The following DENND1A variants were observed in gnomAD, a reference collection of about 807,000 sequenced individuals.
DENND1A encodes DENN domain containing 1A.
Under a neutral mutation model 113.7 loss-of-function variants are expected in DENND1A, and 51 were observed. The observed-to-expected ratio is 0.45, with a 90% CI of 0.36 to 0.57. The LOEUF (loss-of-function observed/expected upper bound fraction) is 0.57, where lower values mean the gene tolerates loss of function less well. Among genes scored for constraint, DENND1A ranks in the 20% least tolerant of loss-of-function variants. The pLI is 0.00. For missense variants in DENND1A, 1,258 were observed against 1,395.9 expected (o/e 0.90, Z 1.57); for synonymous variants, 565 against 570.8 (o/e 0.99, Z 0.14).
At chr9:123,453,502 T>G (rs2047889155) in intron 16 of DENND1A, among the ~76,000 whole-genome samples, 1 of 152,190 alleles carries the variant, frequency 6.6e-6, no homozygotes, top group African/African-American at 2.4e-5. Context: ...AAGCATTAAC[T>G]GAGGCTGGGA....
intron 23 of DENND1A, 82 bp from the exon 24 acceptor site, chr9:123,382,707 G>C (rs1459829498): frequency 9.9e-6 from 14 of 1,420,708 alleles, no homozygotes; most frequent in Non-Finnish European, 1.4e-5. Flanking sequence ...ACTTCTGTGT[G>C]CTGAATGTGT....
intron 2 of DENND1A, among the ~76,000 whole-genome samples, chr9:123,817,125 A>G (rs746647246): frequency 1.1e-4 from 17 of 152,190 alleles, no homozygotes; most frequent in Non-Finnish European, 2.1e-4. Flanking sequence ...ATGTTACCCA[A>G]TGGTAACATT....
intron 13 of DENND1A, among the ~76,000 whole-genome samples, chr9:123,508,045 G>A (rs1171664450): frequency 6.6e-6 from 1 of 152,030 alleles, no homozygotes; most frequent in African/African-American, 2.4e-5. Context: ...GCACATCGGC[G>A]ATGGGTTAAT....
intron 11 of DENND1A, among the ~76,000 whole-genome samples, chr9:123,603,488 T>G (rs2060019303): frequency 6.6e-6 from 1 of 152,144 alleles, no homozygotes; most frequent in Non-Finnish European, 1.5e-5. Context: ...CTTGTATGTT[T>G]GAAAAACCAG....
chr9:123,740,247 C>T (rs748025577), intron 5 of DENND1A, among the ~76,000 whole-genome samples: 3 of 152,188 alleles, frequency 2.0e-5, no homozygotes. Context: ...ATTCTCTATG[C>T]TGCTTAATGT....
chr9:123,382,147 G>A lies in DENND1A; in HGVS notation c.2498C>T (p.Pro833Leu). 15 of 1,601,882 alleles carry A rather than the reference G, an allele frequency of 9.4e-6. No homozygotes were observed. The highest frequency in any genetic ancestry group is 1.2e-5 in the Non-Finnish European group (14 of 1,175,096). ...TELLQPLSPG[P>L]GAAGTSSDAL... ...GTCACTGCTCGTGCCTGCAGCCCCG[G>A]GGCCAGGGCTGAGCGGCTGGAGCAG... The change falls in exon 24 of 24, where the codon CCC becomes CTC. Residue 833 changes from proline to leucine, a missense_variant. Transcript: ENST00000394215.
chr9:123,459,143 T>C (rs1296039537), intron 13 of DENND1A, among the ~76,000 whole-genome samples: 4 of 152,180 alleles, frequency 2.6e-5, no homozygotes, highest in Non-Finnish European at 5.9e-5. Context: ...CACTCCAGCC[T>C]GGGCAACAGA....
At chr9:123,696,911 T>G (rs1201155722) in intron 5 of DENND1A, among the ~76,000 whole-genome samples, 2 of 152,328 alleles carry the variant, frequency 1.3e-5, no homozygotes, top group Admixed American at 6.5e-5. Flanking sequence ...TAAAAAGGTC[T>G]CTATTCACCA....
intron 3 of DENND1A, among the ~76,000 whole-genome samples, chr9:123,770,435 C>T (rs1310269641): frequency 1.3e-5 from 2 of 152,186 alleles, no homozygotes; most frequent in South Asian, 4.1e-4. Context: ...TGGTGTATAA[C>T]TTTCCCTAAA....
Position 123,710,181 on chromosome 9 carries a change from C to T in DENND1A, c.303-33392G>A, listed in dbSNP as rs148891187. 2.6e-3 allele frequency among the ~76,000 whole-genome samples: 401 copies of T among 152,268 alleles called. 2 individuals carry two copies. The highest frequency in any genetic ancestry group is 4.5e-3 in the Non-Finnish European group (303 of 68,014). The stretch of plus-strand genomic sequence containing the variant: ...CCTAGCTCTAAATAATCCTTGCATA[C>T]ATACAAATGTTTTTCACTAATTTAA... On this transcript the variant is annotated intron_variant, in intron 5 of 23. Transcript: ENST00000394215.
intron 5 of DENND1A, among the ~76,000 whole-genome samples, chr9:123,707,983 T>C (rs2066338925): frequency 6.6e-6 from 1 of 152,174 alleles, no homozygotes; most frequent in Non-Finnish European, 1.5e-5. Context: ...CATGGATGCA[T>C]GGTTTTGTTC....
chr9:123,587,985 C>T (rs577586045), intron 11 of DENND1A, among the ~76,000 whole-genome samples: 14 of 152,134 alleles, frequency 9.2e-5, no homozygotes, highest in Non-Finnish European at 1.5e-4. Flanking sequence ...TCCTTTTTAT[C>T]ATAAAAAATA....
intron 5 of DENND1A, among the ~76,000 whole-genome samples, chr9:123,703,499 C>T (rs982552346): frequency 6.6e-6 from 1 of 151,766 alleles, no homozygotes; most frequent in African/African-American, 2.4e-5. Flanking sequence ...AATAGATACA[C>T]TAAAAATAAA....
At chr9:123,454,849 C>CTTTCT (rs1554824524) in intron 15 of DENND1A, 70 bp from the exon 16 acceptor site, 40 of 1,020,078 alleles carry the variant, frequency 3.9e-5, no homozygotes, top group Non-Finnish European at 5.1e-5. Context: ...CTTAAAATTG[C>CTTTCT]TTTTTTTTTT....
chr9:123,676,684 ATTTG>A (rs773391618), intron 6 of DENND1A, 32 bp downstream of exon 6: 3 of 1,586,044 alleles, frequency 1.9e-6, no homozygotes, highest in African/African-American at 2.7e-5. Context: ...ATTAAAGCTT[ATTTG>A]TTTAAAAGAA....
intron 21 of DENND1A, chr9:123,401,367 A>G (rs560945672): frequency 8.9e-5 from 39 of 439,508 alleles, no homozygotes; most frequent in Middle Eastern, 2.2e-3. Flanking sequence ...CAGCATGGGA[A>G]GAGGCGTAGA....
intron 5 of DENND1A, among the ~76,000 whole-genome samples, chr9:123,715,718 TC>T (rs1359575597): frequency 1.3e-5 from 2 of 152,004 alleles, no homozygotes; most frequent in African/African-American, 4.8e-5. Context: ...AGGATATCAC[TC>T]CCATGGCCCA....
intron 2 of DENND1A, among the ~76,000 whole-genome samples, chr9:123,799,544 G>A (rs1167577310): frequency 1.3e-5 from 2 of 152,132 alleles, no homozygotes; most frequent in African/African-American, 4.8e-5. Context: ...GGCAGAAAAA[G>A]GTTCCACGAA....
chr9:123,390,227 C>T (rs531951521), intron 21 of DENND1A, among the ~76,000 whole-genome samples: 1 of 152,264 alleles, frequency 6.6e-6, no homozygotes, highest in Non-Finnish European at 1.5e-5. Context: ...AGCTGGGGTA[C>T]AGCATGAATG....
Sources: allele counts gnomAD v4.1 joint callset (sites outside exome capture counted in the v4.1 genomes callset), GRCh38; gene constraint gnomAD v4.1.1; transcripts MANE v1.5; gene names NCBI Gene and HGNC (gene_info 2026-07-23, HGNC 2026-07-21).